Variants in WWP2 observed in about 807,000 individuals in gnomAD.
The protein encoded by WWP2 is NEDD4-like E3 ubiquitin-protein ligase WWP2.
WWP2 carries 57 observed loss-of-function variants against 121.0 expected under a neutral mutation model. The ratio of observed to expected loss-of-function variants is 0.47; its 90% CI spans 0.38 to 0.59. The LOEUF is 0.59. Ranked by LOEUF, WWP2 falls within the 20% of genes least tolerant of loss-of-function variation. The pLI is 0.00. For synonymous variants in WWP2, 449 were observed against 441.3 expected, an observed-to-expected ratio of 1.02 and a Z score of -0.22; for missense variants, 962 against 1,158.9, an observed-to-expected ratio of 0.83 and a Z score of 2.47.
chr16:69,900,583 T>C (rs1299812779), intron 8 of WWP2, among the ~76,000 whole-genome samples: 1 of 151,972 alleles, frequency 6.6e-6, no homozygotes, highest in Non-Finnish European at 1.5e-5. Context: ...AGTGCAGTGG[T>C]GCGATCTCAG....
chr16:69,793,551 G>A (rs1310495809), intron 2 of WWP2, among the ~76,000 whole-genome samples: 2 of 151,938 alleles, frequency 1.3e-5, no homozygotes, highest in African/African-American at 4.8e-5. Context: ...TATTGGTTGG[G>A]GATGAGATTA....
chr16:69,805,307 A>T (rs567589495), intron 4 of WWP2, among the ~76,000 whole-genome samples: 2 of 152,118 alleles, frequency 1.3e-5, no homozygotes, highest in East Asian at 3.9e-4. Context: ...AAGTGCTGGG[A>T]TTACAGACGT....
At chr16:69,834,486 CCTT>C (rs1317386372) in intron 4 of WWP2, among the ~76,000 whole-genome samples, 1 of 151,738 alleles carries the variant, frequency 6.6e-6, no homozygotes, top group Non-Finnish European at 1.5e-5. Flanking sequence ...GCACTTGCCA[CCTT>C]CTTTTTTAAA....
chr16:69,936,595 G>A (rs898135243), intron 19 of WWP2, 143 bp downstream of exon 19: 16 of 1,254,616 alleles, frequency 1.3e-5, no homozygotes, highest in East Asian at 5.0e-5. Flanking sequence ...GCTGGTGGGC[G>A]GTCATGTGAT....
In WWP2 at chr16:69,937,370, G is replaced by C; in HGVS notation, c.2238+132G>C. The C allele has an allele frequency of 1.4e-6, 2 of 1,465,410 alleles. No individual in the cohort carries two copies. The highest frequency in any genetic ancestry group is 1.8e-6 in the Non-Finnish European group (2 of 1,089,568). 90.8% of individuals were successfully genotyped at this position (1,465,410 alleles called of 1,614,324 possible). ...TCGGCAGGGCAGATGGGTTTGATTT[G>C]GGACCCACCCTTCCCCAGACACTTG... On this transcript the variant is annotated intron_variant, in intron 20 of 23. Transcript: ENST00000359154. The surrounding 1 kb of genome is among the most constrained non-coding windows in gnomAD (Gnocchi z 6.6).
chr16:69,936,667 C>G (rs780640267), intron 19 of WWP2: 8 of 640,224 alleles, frequency 1.2e-5, no homozygotes, highest in Non-Finnish European at 2.1e-5. Context: ...TGTGCTTTTT[C>G]GCCATGTGGG....
At chr16:69,836,055 G>A (rs376129571) in intron 4 of WWP2, among the ~76,000 whole-genome samples, 8 of 152,050 alleles carry the variant, frequency 5.3e-5, no homozygotes, top group African/African-American at 1.2e-4. Flanking sequence ...CACCCACCTC[G>A]GCCTCCCAAA....
chr16:69,786,495 A>C lies in WWP2; in HGVS notation c.-15-501A>C, dbSNP rs1407469972. Reference sequence around the variant, plus strand: ...AGATGGAGTTTCGCTCTTGTCACCCAGGCTGCAGTGCAATGGCCGATCTTG... The same window carrying C: ...AGATGGAGTTTCGCTCTTGTCACCCCGGCTGCAGTGCAATGGCCGATCTTG... On this transcript the variant is annotated intron_variant, in intron 1 of 23. Coordinates refer to ENST00000359154, the MANE Select transcript of WWP2 (RefSeq NM_001270454.2). Among the ~76,000 whole-genome samples, 4 of 118,796 alleles carry C rather than the reference A, an allele frequency of 3.4e-5. No individual in the cohort carries two copies. In the Admixed American group the frequency reaches 3.6e-4, roughly 11 times the overall value. 77.9% of individuals were successfully genotyped at this position (118,796 alleles called of 152,430 possible). A position where few individuals can be genotyped will look rare whatever the true frequency, so the allele number is the denominator to read the frequency against.
In WWP2 at chr16:69,791,148, A is replaced by G. The variant is rs9930692; in HGVS notation, c.70+4068A>G. Among the ~76,000 whole-genome samples, 300 of 152,130 alleles carry G rather than the reference A, an allele frequency of 2.0e-3. 2 individuals carry two copies. Among genetic ancestry groups the G allele is most frequent in the African/African-American group, 6.8e-3 (284 of 41,486 alleles). On this transcript the variant is annotated intron_variant, in intron 2 of 23. Transcript: ENST00000359154. ...TCTAGGTCAAAGCAGAAGTTGGCCTATTGGACCTGGTAACATCCTGAGGTC... is the reference window on the plus strand; with the variant it reads ...TCTAGGTCAAAGCAGAAGTTGGCCTGTTGGACCTGGTAACATCCTGAGGTC...
At chr16:69,819,392 A>G (rs964294680) in intron 4 of WWP2, among the ~76,000 whole-genome samples, 3 of 152,018 alleles carry the variant, frequency 2.0e-5, no homozygotes, top group South Asian at 2.1e-4. Flanking sequence ...CATCTCAAAC[A>G]TGCTCCTCCG....
intron 8 of WWP2, among the ~76,000 whole-genome samples, chr16:69,896,963 G>A (rs1381373956): frequency 6.6e-6 from 1 of 152,092 alleles, no homozygotes; most frequent in Non-Finnish European, 1.5e-5. Flanking sequence ...TCCAGTATAT[G>A]CTTTTAAAAT....
chr16:69,898,969 G>C (rs1354307141), intron 8 of WWP2, among the ~76,000 whole-genome samples: 1 of 152,168 alleles, frequency 6.6e-6, no homozygotes, highest in Non-Finnish European at 1.5e-5. Context: ...CTCCCAAAGT[G>C]CTGGGATTAC....
intron 13 of WWP2, 85 bp downstream of exon 13, chr16:69,930,343 T>G: frequency 6.4e-7 from 1 of 1,566,320 alleles, no homozygotes; most frequent in East Asian, 2.3e-5. Context: ...CCACTTTGGG[T>G]GGCCCCTGTG....
chr16:69,785,086 A>G (rs2055754726), intron 1 of WWP2, among the ~76,000 whole-genome samples: 1 of 152,102 alleles, frequency 6.6e-6, no homozygotes. Flanking sequence ...AAATACAAAA[A>G]TTAGCCAGGT....
intron 6 of WWP2, among the ~76,000 whole-genome samples, chr16:69,857,228 C>T (rs991968259): frequency 2.6e-5 from 4 of 152,080 alleles, no homozygotes; most frequent in African/African-American, 4.8e-5. Flanking sequence ...CTCAGCCTCC[C>T]GAGTAGCTGG....
intron 9 of WWP2, among the ~76,000 whole-genome samples, chr16:69,913,290 C>T (rs1428292969): frequency 6.6e-6 from 1 of 151,622 alleles, no homozygotes; most frequent in Admixed American, 6.6e-5. Context: ...ACCTCGGCCT[C>T]CCAAAGTGGT....
intron 8 of WWP2, among the ~76,000 whole-genome samples, chr16:69,903,679 A>T (rs891135486): frequency 2.5e-4 from 38 of 152,006 alleles, no homozygotes; most frequent in Non-Finnish European, 4.3e-4. Flanking sequence ...GAGGCAGGGG[A>T]ATCGGTTGAA....
chr16:69,870,865 G>C lies in WWP2; in HGVS notation c.576-939G>C, dbSNP rs2057622503. Among the ~76,000 whole-genome samples, 6 of 152,334 alleles carry C rather than the reference G, an allele frequency of 3.9e-5. No homozygotes were observed. The South Asian group carries it at 1.2e-3, about 32-fold the overall frequency. On this transcript the variant is annotated intron_variant, in intron 6 of 23. Transcript: ENST00000359154. ...CAAAAAGAACTTGAGAGCACATGCT[G>C]CCTGTTGCCTTGTGTTCTCTGAAGA...
At position 69,935,048 on chromosome 16, in the gene WWP2, G is replaced by A. The variant is rs1457591020; in HGVS notation, c.1843-805G>A. On this transcript the variant is annotated intron_variant, in intron 17 of 23. Coordinates refer to ENST00000359154, the MANE Select transcript of WWP2 (RefSeq NM_001270454.2). The surrounding 1 kb of genome is among the most constrained non-coding windows in gnomAD (Gnocchi z 5.2). The stretch of plus-strand genomic sequence containing the variant: ...GACACAATGTGAATATGGAAAGGGA[G>A]GTCCTGCCACGTGCCCCGTTGAGGG... Among the ~76,000 whole-genome samples the A allele has an allele frequency of 6.6e-6, 1 of 152,174 alleles. No homozygotes were observed. The highest frequency in any genetic ancestry group is 2.4e-5 in the African/African-American group (1 of 41,442).
Sources: gnomAD v4.1 joint callset for allele counts (sites outside exome capture counted in the v4.1 genomes callset) on GRCh38, gnomAD v4.1.1 for gene constraint, Gnocchi (gnomAD v3.1) non-coding constraint, MANE v1.5 for transcripts, NCBI Gene and HGNC (gene_info 2026-07-23, HGNC 2026-07-21) for gene names.